KCNQ1: variants seen among roughly 807,000 people sequenced by gnomAD.
KCNQ1 encodes the protein potassium voltage-gated channel subfamily KQT member 1.
KCNQ1 carries 49 observed loss-of-function variants against 72.4 expected under a neutral mutation model. That is an observed-to-expected ratio of 0.68 (90% CI 0.54 to 0.86). The LOEUF (loss-of-function observed/expected upper bound fraction) is 0.86. Ranked by LOEUF, KCNQ1 falls within the 40% of genes least tolerant of loss-of-function variation. The pLI, the probability that KCNQ1 is intolerant of heterozygous loss-of-function variation, is 0.00. For missense variants in KCNQ1, 790 were observed against 945.1 expected, an observed-to-expected ratio of 0.84 and a Z score of 2.15; for synonymous variants, 450 against 412.6, an observed-to-expected ratio of 1.09 and a Z score of -1.10.
chr11:2,725,202 C>A lies in KCNQ1; in HGVS notation c.1515-43642C>A, dbSNP rs1845737575. Among the ~76,000 whole-genome samples the A allele has an allele frequency of 6.6e-6, 1 of 152,222 alleles. No individual in the cohort carries two copies. The highest frequency in any genetic ancestry group is 6.5e-5 in the Admixed American group (1 of 15,284). The stretch of plus-strand genomic sequence containing the variant: ...AGGAGGAAGCCGACGGCCATCTGTG[C>A]TCAGACCCAGTGGTGAGCCTAAGAC... On this transcript the variant is annotated intron_variant, in intron 11 of 15. Coordinates refer to ENST00000155840, the MANE Select transcript of KCNQ1 (RefSeq NM_000218.3). This position sits in a 1 kb window ranked among gnomAD's most constrained non-coding sequence, Gnocchi z 7.2.
In KCNQ1 at chr11:2,664,909, A is replaced by G. The variant is rs1430344977; in HGVS notation, c.1514+2828A>G. The G allele has an allele frequency of 5.0e-6, 2 of 398,444 alleles. No individual in the cohort carries two copies. The highest frequency in any genetic ancestry group is 8.8e-5 in the Admixed American group (2 of 22,708). The allele number at this position is 398,444 out of a possible 1,614,324, so 24.7% of individuals were successfully genotyped here. A position where few individuals can be genotyped will look rare whatever the true frequency, so the allele number is the denominator to read the frequency against. On this transcript the variant is annotated intron_variant, in intron 11 of 15. Coordinates refer to ENST00000155840, the MANE Select transcript of KCNQ1 (RefSeq NM_000218.3). The surrounding 1 kb of genome is among the most constrained non-coding windows in gnomAD (Gnocchi z 5.1). ...AAAGACACATTTTGTTTCCATCTCG[A>G]GCTCTCCCCGCCCGCAGGGCCCCAG...
At position 2,483,755 on chromosome 11, in the gene KCNQ1, A is replaced by G. The variant is rs1358634280; in HGVS notation, c.386+38271A>G. 3.3e-5 allele frequency among the ~76,000 whole-genome samples: 5 copies of G among 152,176 alleles called. No individual in the cohort carries two copies. The highest frequency in any genetic ancestry group is 1.2e-4 in the African/African-American group (5 of 41,444). On this transcript the variant is annotated intron_variant, in intron 1 of 15. Coordinates refer to ENST00000155840, the MANE Select transcript of KCNQ1 (RefSeq NM_000218.3). The surrounding 1 kb of genome is among the most constrained non-coding windows in gnomAD (Gnocchi z 6.1). Reference sequence around the variant, plus strand: ...CCCTGTGGCAGGGCTGTGTGAGGTCAGCATGTCTTAGGGCGGGTTCATTTG... The same window carrying G: ...CCCTGTGGCAGGGCTGTGTGAGGTCGGCATGTCTTAGGGCGGGTTCATTTG...
Position 2,794,324 on chromosome 11 carries a change from G to A in KCNQ1, c.1794+16287G>A, listed in dbSNP as rs141684145. On this transcript the variant is annotated intron_variant, in intron 15 of 15. Transcript: ENST00000155840. ...CCGAGCTTCTGCTGTGAGCCCCCAC[G>A]TGGGGATGCTTTGCTCGGAGGGGTG... Among the ~76,000 whole-genome samples the A allele has an allele frequency of 5.0e-3, 765 of 152,362 alleles. 3 individuals are homozygous for A. The highest frequency in any genetic ancestry group is 0.017 in the African/African-American group (723 of 41,582).
chr11:2,842,578 A>G (rs1005129812), intron 15 of KCNQ1, among the ~76,000 whole-genome samples: 2 of 152,226 alleles, frequency 1.3e-5, no homozygotes, highest in African/African-American at 4.8e-5. Context: ...AGGGAATTGT[A>G]CAAGTGTGTA....
intron 10 of KCNQ1, chr11:2,638,737 G>C (rs959183578): frequency 2.0e-5 from 3 of 152,122 alleles, no homozygotes; most frequent in Admixed American, 1.3e-4. Flanking sequence ...GCTAGGTTGG[G>C]GAAGTTCTCC....
chr11:2,647,974 AAGGCCAAGGC>A lies in KCNQ1; in HGVS notation c.1394-13981_1394-13972del, dbSNP rs759229197. Reference sequence around the variant, plus strand: ...CACACCTGTAAACCCAGTACTTTGGAAGGCCAAGGCAGGCCGATCGCTTGAGTCCAGGAGT... The same window carrying A: ...CACACCTGTAAACCCAGTACTTTGGAAGGCCGATCGCTTGAGTCCAGGAGT... On this transcript the variant is annotated intron_variant, in intron 10 of 15. Coordinates refer to ENST00000155840, the MANE Select transcript of KCNQ1 (RefSeq NM_000218.3). The surrounding 1 kb of genome is among the most constrained non-coding windows in gnomAD (Gnocchi z 4.0). The A allele has an allele frequency of 3.0e-5, 12 of 397,648 alleles. No homozygotes were observed. Among genetic ancestry groups the A allele is most frequent in the African/African-American group, 6.2e-5 (3 of 48,438 alleles). The allele number at this position is 397,648 out of a possible 1,614,324, so 24.6% of individuals were successfully genotyped here. A position where few individuals can be genotyped will look rare whatever the true frequency, so the allele number is the denominator to read the frequency against.
intron 12 of KCNQ1, among the ~76,000 whole-genome samples, chr11:2,770,742 C>T (rs549459649): frequency 6.6e-6 from 1 of 152,376 alleles, no homozygotes; most frequent in Non-Finnish European, 1.5e-5. Context: ...CCCTGTGGAC[C>T]AGGGTGTCTC....
intron 11 of KCNQ1, chr11:2,680,576 C>T: frequency 5.0e-6 from 2 of 398,488 alleles, no homozygotes; most frequent in African/African-American, 2.1e-5. Flanking sequence ...TTACATACTC[C>T]TTTACCTAGT....
At chr11:2,810,463 T>C (rs1270216269) in intron 15 of KCNQ1, among the ~76,000 whole-genome samples, 1 of 152,242 alleles carries the variant, frequency 6.6e-6, no homozygotes, top group Non-Finnish European at 1.5e-5. Context: ...TTTATGGCAT[T>C]ATATTCTTAA....
intron 15 of KCNQ1, among the ~76,000 whole-genome samples, chr11:2,821,252 G>T (rs1277507720): frequency 6.6e-6 from 1 of 152,234 alleles, no homozygotes; most frequent in Non-Finnish European, 1.5e-5. Context: ...TCAGCTGTGT[G>T]ACTCCAGGTG....
At chr11:2,836,881 G>A (rs948262079) in intron 15 of KCNQ1, among the ~76,000 whole-genome samples, 2 of 152,250 alleles carry the variant, frequency 1.3e-5, no homozygotes, top group African/African-American at 4.8e-5. Flanking sequence ...GTGAAATGGA[G>A]ATGTGTCTTT....
intron 1 of KCNQ1, among the ~76,000 whole-genome samples, chr11:2,485,374 C>G (rs975467010): frequency 6.8e-6 from 1 of 147,966 alleles, no homozygotes; most frequent in African/African-American, 2.5e-5. Flanking sequence ...CCCCACCCCC[C>G]CACCCTGGAC....
chr11:2,666,951 G>A (rs921034117), intron 11 of KCNQ1: 2 of 398,636 alleles, frequency 5.0e-6, no homozygotes, highest in Admixed American at 4.4e-5. Flanking sequence ...TGCACGAGAT[G>A]CCAAGGAAGC....
intron 10 of KCNQ1, chr11:2,643,426 A>G (rs1298890779): frequency 7.5e-6 from 3 of 398,184 alleles, no homozygotes; most frequent in Non-Finnish European, 1.3e-5. Flanking sequence ...GTCTCTTTTT[A>G]GTGTTTTTAG....
intron 11 of KCNQ1, among the ~76,000 whole-genome samples, chr11:2,717,542 G>A (rs1851113982): frequency 6.6e-6 from 1 of 152,176 alleles, no homozygotes; most frequent in South Asian, 2.1e-4. Context: ...TGCCCCACCA[G>A]GGCCTGGCTT....
In KCNQ1 at chr11:2,466,438, G is replaced by T. The variant is rs140736518; in HGVS notation, c.386+20954G>T. Among the ~76,000 whole-genome samples the T allele has an allele frequency of 1.7e-3, 259 of 152,290 alleles. 2 individuals are homozygous for T. Among genetic ancestry groups the T allele is most frequent in the African/African-American group, 5.9e-3 (244 of 41,572 alleles). On this transcript the variant is annotated intron_variant, in intron 1 of 15. Coordinates refer to ENST00000155840, the MANE Select transcript of KCNQ1 (RefSeq NM_000218.3). ...ACACAGTGCTGGGGGTCCCCTCCTG[G>T]GCCTGGGGCTGTGGTTCTTAGAGGG... is the stretch of plus-strand genomic sequence containing the variant.
At chr11:2,628,183 C>T (rs1347559406) in intron 10 of KCNQ1, 7 of 398,386 alleles carry the variant, frequency 1.8e-5, no homozygotes, top group Non-Finnish European at 3.1e-5. Context: ...TATAGCAGTT[C>T]CAATTTTAAT....
At chr11:2,643,557 G>A (rs887189641) in intron 10 of KCNQ1, 29 of 398,370 alleles carry the variant, frequency 7.3e-5, no homozygotes, top group Middle Eastern at 6.3e-4. Flanking sequence ...GGTGAGATGC[G>A]TTTCTTGTAG....
Position 2,678,481 on chromosome 11 carries a change from T to C in KCNQ1, c.1514+16400T>C. On this transcript the variant is annotated intron_variant, in intron 11 of 15. Coordinates refer to ENST00000155840, the MANE Select transcript of KCNQ1 (RefSeq NM_000218.3). The surrounding 1 kb of genome is among the most constrained non-coding windows in gnomAD (Gnocchi z 4.9). ...GCTACCTTTATCATATTTCAAACTC[T>C]CATTTAATTTGTGTCCATTTCTAGA... 1 of 398,640 alleles carries C rather than the reference T, an allele frequency of 2.5e-6. No homozygotes were observed. Among genetic ancestry groups the C allele is most frequent in the Non-Finnish European group, 4.4e-6 (1 of 226,064 alleles). 24.7% of individuals were successfully genotyped at this position (398,640 alleles called of 1,614,324 possible).
Sources: allele counts gnomAD v4.1 joint callset (sites outside exome capture counted in the v4.1 genomes callset), GRCh38; gene constraint gnomAD v4.1.1; non-coding constraint Gnocchi (gnomAD v3.1); transcripts MANE v1.5; gene names NCBI Gene and HGNC (gene_info 2026-07-23, HGNC 2026-07-21).